KCNMA1: variants seen among roughly 807,000 people sequenced by gnomAD.
KCNMA1 encodes the protein Calcium-activated potassium channel subunit alpha-1.
A neutral mutation model predicts 140.0 loss-of-function variants in KCNMA1; 29 were observed. The observed-to-expected ratio is 0.21, with a 90% CI of 0.15 to 0.28. KCNMA1 has a LOEUF of 0.28. Among genes scored for constraint, KCNMA1 ranks in the 10% least tolerant of loss-of-function variants. The probability of loss-of-function intolerance (pLI) is 1.00; values close to 1 mark genes in which losing one functional copy is unlikely to be tolerated. For synonymous variants in KCNMA1, 612 were observed against 611.9 expected, an observed-to-expected ratio of 1.00 and a Z score of 0.00; for missense variants, 880 against 1,602.2, an observed-to-expected ratio of 0.55 and a Z score of 7.70.
chr10:77,114,854 G>A (rs2097417649), intron 6 of KCNMA1, among the ~76,000 whole-genome samples: 1 of 152,188 alleles, frequency 6.6e-6, no homozygotes, highest in Non-Finnish European at 1.5e-5. Context: ...TCCCAGTAGT[G>A]GCTTAATGCA....
intron 2 of KCNMA1, among the ~76,000 whole-genome samples, chr10:77,362,941 CT>C (rs753224382): frequency 6.6e-6 from 1 of 152,180 alleles, no homozygotes; most frequent in Non-Finnish European, 1.5e-5. Context: ...CTATGGTCCC[CT>C]GGTCCATGAT....
chr10:76,942,769 G>GTGT (rs2062889383), intron 23 of KCNMA1, among the ~76,000 whole-genome samples: 1 of 152,202 alleles, frequency 6.6e-6, no homozygotes, highest in African/African-American at 2.4e-5. Context: ...GGGAAAGGGA[G>GTGT]TGTTTTCCTG....
intron 3 of KCNMA1, among the ~76,000 whole-genome samples, chr10:77,237,779 C>T (rs968791953): frequency 2.0e-5 from 3 of 152,180 alleles, no homozygotes; most frequent in Non-Finnish European, 4.4e-5. Flanking sequence ...GACCTTTTTG[C>T]CCCAGAGTGG....
At chr10:76,935,442 G>C (rs1406550152) in intron 23 of KCNMA1, among the ~76,000 whole-genome samples, 3 of 152,298 alleles carry the variant, frequency 2.0e-5, no homozygotes, top group East Asian at 1.9e-4. Flanking sequence ...CAGATGTTTG[G>C]AGATCAACTC....
At chr10:77,421,605 A>G (rs756064145) in intron 1 of KCNMA1, among the ~76,000 whole-genome samples, 4 of 152,254 alleles carry the variant, frequency 2.6e-5, no homozygotes, top group South Asian at 2.1e-4. Flanking sequence ...ATTTAGAGAC[A>G]TTGAAATCAG....
chr10:77,019,265 A>T, intron 16 of KCNMA1, 166 bp from the exon 17 acceptor site: 2 of 625,598 alleles, frequency 3.2e-6, no homozygotes, highest in Non-Finnish European at 5.7e-6. Flanking sequence ...CCATACATTT[A>T]GTTGGATAAT....
At chr10:77,034,847 A>C (rs1300594127) in intron 15 of KCNMA1, among the ~76,000 whole-genome samples, 1 of 152,214 alleles carries the variant, frequency 6.6e-6, no homozygotes, top group African/African-American at 2.4e-5. Flanking sequence ...CTGAGCTGTA[A>C]AACCTGATAC....
chr10:77,270,217 C>T (rs2064620942), intron 2 of KCNMA1, among the ~76,000 whole-genome samples: 1 of 152,208 alleles, frequency 6.6e-6, no homozygotes. Flanking sequence ...GGTTGAGAGA[C>T]TCTCTAACTC....
At chr10:77,440,813 TTTTTTG>T (rs918235523) in intron 1 of KCNMA1, among the ~76,000 whole-genome samples, 1 of 151,978 alleles carries the variant, frequency 6.6e-6, no homozygotes, top group Non-Finnish European at 1.5e-5. Flanking sequence ...TCAAAATTCT[TTTTTTG>T]TTTTTGTTTT....
At chr10:77,267,085 T>C (rs1381565602) in intron 2 of KCNMA1, among the ~76,000 whole-genome samples, 1 of 152,126 alleles carries the variant, frequency 6.6e-6, no homozygotes, top group Non-Finnish European at 1.5e-5. Context: ...GGGTGTTCCA[T>C]GGAAGGAGGA....
intron 2 of KCNMA1, among the ~76,000 whole-genome samples, chr10:77,393,097 C>T (rs753511805): frequency 2.0e-5 from 3 of 152,230 alleles, no homozygotes; most frequent in Non-Finnish European, 4.4e-5. Flanking sequence ...TGGCATGAGC[C>T]AGCTGCAAAG....
intron 1 of KCNMA1, chr10:77,636,164 G>A: frequency 7.2e-7 from 1 of 1,397,636 alleles, no homozygotes; most frequent in Non-Finnish European, 9.3e-7. Context: ...CCTAGGATGG[G>A]AATTACTCAG....
intron 1 of KCNMA1, among the ~76,000 whole-genome samples, chr10:77,573,611 TGG>T (rs58761619): frequency 0.016 from 1,379 of 87,118 alleles, 170 homozygotes; most frequent in South Asian, 0.035. Flanking sequence ...TTTAAGAAAA[TGG>T]AATGGAATGG....
chr10:76,923,472 T>C (rs2056660339), intron 23 of KCNMA1, among the ~76,000 whole-genome samples: 1 of 151,728 alleles, frequency 6.6e-6, no homozygotes, highest in Non-Finnish European at 1.5e-5. Flanking sequence ...TTAAAGAGCT[T>C]ACTGTGTAAG....
Position 77,000,028 on chromosome 10 carries a change from A to G in KCNMA1, c.2266+1379T>C, listed in dbSNP as rs1245517074. Among the ~76,000 whole-genome samples the G allele has an allele frequency of 2.6e-5, 4 of 152,140 alleles. No individual in the cohort carries two copies. In the East Asian group the frequency reaches 7.7e-4, roughly 29 times the overall value. ...GCCGCACTCTGCTGGGACCAGCCTC[A>G]ACACCAGCACAGGGGAGTCAAGCCA... On this transcript the variant is annotated intron_variant, in intron 19 of 27. Transcript: ENST00000286628.
At position 76,886,137 on chromosome 10, in the gene KCNMA1, C is replaced by G; in HGVS notation, c.*1129G>C. On this transcript the variant is annotated 3_prime_UTR_variant, in exon 28 of 28. Coordinates refer to ENST00000286628, the MANE Select transcript of KCNMA1 (RefSeq NM_001161352.2). ...CTACATTCTAATTTATTTAGCATGTCGGCTCCTAGAAAAGCATGATCTGCA... is the reference window on the plus strand; with the variant it reads ...CTACATTCTAATTTATTTAGCATGTGGGCTCCTAGAAAAGCATGATCTGCA... 1.0e-6 allele frequency: 1 copy of G among 985,358 alleles called. No individual in the cohort carries two copies. The highest frequency in any genetic ancestry group is 1.2e-6 in the Non-Finnish European group (1 of 829,928). The allele number at this position is 985,358 out of a possible 1,614,324, so 61.0% of individuals were successfully genotyped here.
intron 1 of KCNMA1, among the ~76,000 whole-genome samples, chr10:77,506,208 T>A (rs1453538111): frequency 2.6e-5 from 4 of 151,726 alleles, no homozygotes; most frequent in Non-Finnish European, 5.9e-5. Flanking sequence ...TTCTGGAAGA[T>A]CTGAAACCAC....
At chr10:77,095,002 A>T (rs2096897174) in intron 9 of KCNMA1, among the ~76,000 whole-genome samples, 1 of 152,276 alleles carries the variant, frequency 6.6e-6, no homozygotes, top group African/African-American at 2.4e-5. Context: ...GCCCTACCCC[A>T]AATGTCTATT....
intron 1 of KCNMA1, among the ~76,000 whole-genome samples, chr10:77,508,581 C>CTTTTTTTTTTTTTTTTTTTTTCT (rs761735012): frequency 2.0e-5 from 2 of 99,874 alleles, no homozygotes; most frequent in African/African-American, 8.5e-5. Flanking sequence ...TTTTTCTTTT[C>CTTTTTTTTTTTTTTTTTTTTTCT]TTTTTTTTTT....
Sources: gnomAD v4.1 joint callset for allele counts (sites outside exome capture counted in the v4.1 genomes callset) on GRCh38, gnomAD v4.1.1 for gene constraint, MANE v1.5 for transcripts, NCBI Gene and HGNC (gene_info 2026-07-23, HGNC 2026-07-21) for gene names.